The following HSDL1 variants were observed in gnomAD, a reference collection of about 807,000 sequenced individuals.
HSDL1 encodes the protein inactive hydroxysteroid dehydrogenase-like protein 1.
In HSDL1, 29 loss-of-function variants were observed where a neutral mutation model predicts 31.5. The ratio of observed to expected loss-of-function variants is 0.92; its 90% confidence interval spans 0.69 to 1.26. The LOEUF is 1.26. Among genes scored for constraint, HSDL1 ranks in the 50% most tolerant of loss-of-function variants. The probability of loss-of-function intolerance (pLI) is 0.00; values close to 1 mark genes in which losing one functional copy is unlikely to be tolerated. For synonymous variants in HSDL1, 222 were observed against 155.2 expected (o/e 1.43, Z -3.20); for missense variants, 503 against 416.6 (o/e 1.21, Z -1.81).
chr16:84,127,841 C>G (rs555978719), intron 5 of HSDL1, among the ~76,000 whole-genome samples: 2 of 150,434 alleles, frequency 1.3e-5, no homozygotes, highest in South Asian at 4.2e-4. Flanking sequence ...GCCTCAGCCT[C>G]CTGAGTAGCT....
chr16:84,129,304 C>G (rs1268717264), intron 5 of HSDL1, among the ~76,000 whole-genome samples: 1 of 151,754 alleles, frequency 6.6e-6, no homozygotes, highest in African/African-American at 2.4e-5. Flanking sequence ...GGCATGAACC[C>G]GGGAGGCGGA....
chr16:84,128,871 C>T (rs1163642053), intron 5 of HSDL1, among the ~76,000 whole-genome samples: 1 of 151,950 alleles, frequency 6.6e-6, no homozygotes, highest in Non-Finnish European at 1.5e-5. Flanking sequence ...CTAAGCCTAG[C>T]TAATTTTTGT....
chr16:84,132,422 G>A (rs1417853096), intron 2 of HSDL1, among the ~76,000 whole-genome samples: 1 of 152,030 alleles, frequency 6.6e-6, no homozygotes, highest in Non-Finnish European at 1.5e-5. Context: ...TTGGAAAAAT[G>A]GCTTCTCAAA....
chr16:84,127,515 G>A (rs1006383238), intron 5 of HSDL1, among the ~76,000 whole-genome samples: 14 of 150,240 alleles, frequency 9.3e-5, no homozygotes, highest in African/African-American at 3.2e-4. Context: ...CACCACGCCC[G>A]ACCAAAACTG....
Position 84,122,948 on chromosome 16 carries a change from AC to A in HSDL1, c.*1681del. The stretch of plus-strand genomic sequence containing the variant: ...ATTTATCAATCTAAGACATTACTGG[AC>A]CACGTAACCTTACATATAACTACCT... On this transcript the variant is annotated 3_prime_UTR_variant, in exon 6 of 6. Coordinates refer to ENST00000219439, the MANE Select transcript of HSDL1 (RefSeq NM_031463.5). 6.6e-6 allele frequency: 1 copy of A among 152,340 alleles called. No homozygotes were observed. The highest frequency in any genetic ancestry group is 2.1e-4 in the South Asian group (1 of 4,828). 9.4% of individuals were successfully genotyped at this position (152,340 alleles called of 1,614,324 possible). A position where few individuals can be genotyped will look rare whatever the true frequency, so the allele number is the denominator to read the frequency against.
rs1041175619 is a variant in HSDL1 at position 84,122,928 on chromosome 16, T to C, written c.*1702A>G. 1.3e-5 allele frequency: 2 copies of C among 152,212 alleles called. No homozygotes were observed. Among genetic ancestry groups the C allele is most frequent in the African/African-American group, 4.8e-5 (2 of 41,438 alleles). The allele number at this position is 152,212 out of a possible 1,614,324, so 9.4% of individuals were successfully genotyped here. On this transcript the variant is annotated 3_prime_UTR_variant, in exon 6 of 6. Coordinates refer to ENST00000219439, the MANE Select transcript of HSDL1 (RefSeq NM_031463.5). ...ACTGATGGATTCCATACCTAATTTA[T>C]CAATCTAAGACATTACTGGACCACG... is the stretch of plus-strand genomic sequence containing the variant.
intron 1 of HSDL1, among the ~76,000 whole-genome samples, chr16:84,135,941 C>G (rs759602828): frequency 2.0e-5 from 3 of 152,246 alleles, no homozygotes; most frequent in Non-Finnish European, 4.4e-5. Flanking sequence ...TGGGGAAACA[C>G]CGCCCAGGCA....
chr16:84,141,753 C>T (rs2086771330), intron 1 of HSDL1, among the ~76,000 whole-genome samples: 1 of 152,172 alleles, frequency 6.6e-6, no homozygotes, highest in South Asian at 2.1e-4. Flanking sequence ...ACTAGTAAGG[C>T]TGCAGTCCTT....
At chr16:84,140,583 C>T (rs946709961) in intron 1 of HSDL1, among the ~76,000 whole-genome samples, 1 of 151,880 alleles carries the variant, frequency 6.6e-6, no homozygotes, top group Non-Finnish European at 1.5e-5. Context: ...TAAATATATA[C>T]AAAAGTATGT....
intron 1 of HSDL1, among the ~76,000 whole-genome samples, chr16:84,143,573 C>T (rs1307783118): frequency 6.6e-6 from 1 of 152,122 alleles, no homozygotes; most frequent in African/African-American, 2.4e-5. Flanking sequence ...GAGTTATACA[C>T]TGTAAAATGG....
At position 84,129,500 on chromosome 16, in the gene HSDL1, G is replaced by C. The variant is rs751701174; in HGVS notation, c.894+48C>G. On this transcript the variant is annotated intron_variant, in intron 5 of 5. Coordinates refer to ENST00000219439, the MANE Select transcript of HSDL1 (RefSeq NM_031463.5). Reference sequence around the variant, plus strand: ...CAGATTTCTCTGTATCACTGAGATAGGTTCATGATGCATTAATCTAATTAT... The same window carrying C: ...CAGATTTCTCTGTATCACTGAGATACGTTCATGATGCATTAATCTAATTAT... 6 of 1,280,936 alleles carry C rather than the reference G, an allele frequency of 4.7e-6. No homozygotes were observed. The Admixed American group carries it at 8.6e-5, about 18-fold the overall frequency. 79.3% of individuals were successfully genotyped at this position (1,280,936 alleles called of 1,614,324 possible).
At chr16:84,144,182 C>T (rs1170020536) in intron 1 of HSDL1, 1 of 151,964 alleles carries the variant, frequency 6.6e-6, no homozygotes, top group South Asian at 2.1e-4. Context: ...TTTATTCTCT[C>T]ATTAATCTTA....
rs891859828 is a variant in HSDL1 at position 84,122,201 on chromosome 16, T to C, written c.*2429A>G. The C allele has an allele frequency of 6.6e-6, 1 of 152,626 alleles. No individual in the cohort carries two copies. The highest frequency in any genetic ancestry group is 2.4e-5 in the African/African-American group (1 of 41,446). 9.5% of individuals were successfully genotyped at this position (152,626 alleles called of 1,614,324 possible). A position where few individuals can be genotyped will look rare whatever the true frequency, so the allele number is the denominator to read the frequency against. On this transcript the variant is annotated 3_prime_UTR_variant, in exon 6 of 6. Coordinates refer to ENST00000219439, the MANE Select transcript of HSDL1 (RefSeq NM_031463.5). ...GACCACTGTTGTTCATGTTAATTTC[T>C]TGCAATCACTCCTAAGAAAAAAAAA...
intron 3 of HSDL1, 141 bp from the exon 4 acceptor site, chr16:84,130,572 G>C (rs2086653925): frequency 1.5e-6 from 1 of 667,954 alleles, no homozygotes; most frequent in Non-Finnish European, 2.5e-6. Context: ...ACAAGTCAAG[G>C]ACACTGTTGC....
At chr16:84,133,786 A>G (rs535277602) in intron 2 of HSDL1, among the ~76,000 whole-genome samples, 1 of 152,280 alleles carries the variant, frequency 6.6e-6, no homozygotes, top group South Asian at 2.1e-4. Context: ...TTTATTCCCT[A>G]CAGGTAAAAT....
intron 1 of HSDL1, among the ~76,000 whole-genome samples, chr16:84,143,766 G>C (rs1419017361): frequency 6.6e-6 from 1 of 151,720 alleles, no homozygotes; most frequent in East Asian, 1.9e-4. Flanking sequence ...GGAGGCCAAG[G>C]CGGGCAGATC....
intron 3 of HSDL1, chr16:84,130,823 A>C: frequency 2.4e-6 from 1 of 413,282 alleles, no homozygotes. Context: ...GACAATTTTA[A>C]AACAGAGAAC....
intron 1 of HSDL1, among the ~76,000 whole-genome samples, chr16:84,140,784 A>G (rs1322189145): frequency 6.6e-6 from 1 of 151,946 alleles, no homozygotes; most frequent in East Asian, 1.9e-4. Context: ...ACAGCTGTAT[A>G]CCCCAAGCAT....
chr16:84,138,488 A>G (rs2086734125), intron 1 of HSDL1, among the ~76,000 whole-genome samples: 1 of 152,250 alleles, frequency 6.6e-6, no homozygotes, highest in Non-Finnish European at 1.5e-5. Context: ...AAGAAATAAA[A>G]AAGTAACTGA....
Sources: allele counts gnomAD v4.1 joint callset (sites outside exome capture counted in the v4.1 genomes callset), GRCh38; gene constraint gnomAD v4.1.1; transcripts MANE v1.5; gene names NCBI Gene and HGNC (gene_info 2026-07-23, HGNC 2026-07-21).